The following SECTM1 variants were observed in gnomAD, a reference collection of about 807,000 sequenced individuals.
SECTM1 encodes the protein secreted and transmembrane 1.
Under a neutral mutation model 18.1 loss-of-function variants are expected in SECTM1, and 10 were observed. The observed-to-expected ratio is 0.55, with a 90% CI of 0.34 to 0.94. The LOEUF is 0.94. Ranked by LOEUF, SECTM1 falls within the 40% of genes least tolerant of loss-of-function variation. The pLI is 0.02. For synonymous variants in SECTM1, 137 were observed against 139.2 expected (o/e 0.98, Z 0.11); for missense variants, 297 against 322.6 (o/e 0.92, Z 0.61).
chr17:82,324,856 G>GACTA lies in SECTM1; in HGVS notation c.125_128dup (p.Val45LeufsTer37). On this transcript the variant is annotated frameshift_variant, in exon 3 of 5. Transcript: ENST00000269389. LOFTEE classifies it high-confidence loss of function. ...CGGTGTTCTCGCCCCAAGACACAGAGACTACCCCCTCTGTGCAGATGGGGC... is the reference window on the plus strand; with the variant it reads ...CGGTGTTCTCGCCCCAAGACACAGAGACTAACTACCCCCTCTGTGCAGATGGGGC... The GACTA allele has an allele frequency of 6.2e-7, 1 of 1,613,834 alleles. No individual in the cohort carries two copies. Among genetic ancestry groups the GACTA allele is most frequent in the East Asian group, 2.2e-5 (1 of 44,870 alleles).
In SECTM1 at chr17:82,328,766, G is replaced by C. The variant is rs1042852328; in HGVS notation, c.-52-1474C>G. 6.6e-6 allele frequency among the ~76,000 whole-genome samples: 1 copy of C among 152,188 alleles called. No individual in the cohort carries two copies. The highest frequency in any genetic ancestry group is 2.4e-5 in the African/African-American group (1 of 41,454). ...GGCAGGACACGCCTTTCAGCCGAGA[G>C]AACTCCACCTTCGAAGGCGGCTGGG... On this transcript the variant is annotated intron_variant, in intron 1 of 4. Coordinates refer to ENST00000269389, the MANE Select transcript of SECTM1 (RefSeq NM_003004.3). This position sits in a 1 kb window ranked among gnomAD's most constrained non-coding sequence, Gnocchi z 5.8.
intron 1 of SECTM1, among the ~76,000 whole-genome samples, chr17:82,332,723 C>T (rs1198028730): frequency 6.6e-6 from 1 of 152,226 alleles, no homozygotes; most frequent in Admixed American, 6.5e-5. Flanking sequence ...CAAAGCCCCC[C>T]AGGCCTGGGG....
At position 82,322,293 on chromosome 17, in the gene SECTM1, G is replaced by A; in HGVS notation, c.615C>T (p.Ala205=). ...RAGAQQGLSR[A]SAELWTPDSE... Reference sequence around the variant, plus strand: ...AGTCTGGGGTCCACAGTTCAGCGGAGGCTCTGCTCAGGCCCTGCTGGGCTC... The same window carrying A: ...AGTCTGGGGTCCACAGTTCAGCGGAAGCTCTGCTCAGGCCCTGCTGGGCTC... Residue 205 remains alanine (A), a synonymous_variant, in exon 5 of 5, where the codon GCC becomes GCT. Coordinates refer to ENST00000269389, the MANE Select transcript of SECTM1 (RefSeq NM_003004.3). 1 of 1,612,778 alleles carries A rather than the reference G, an allele frequency of 6.2e-7. No individual in the cohort carries two copies. Among genetic ancestry groups the A allele is most frequent in the South Asian group, 1.1e-5 (1 of 90,966 alleles).
rs2052182587 is a variant in SECTM1 at position 82,330,454 on chromosome 17, G to C, written c.-52-3162C>G. Among the ~76,000 whole-genome samples, 1 of 152,106 alleles carries C rather than the reference G, an allele frequency of 6.6e-6. No homozygotes were observed. Among genetic ancestry groups the C allele is most frequent in the Admixed American group, 6.6e-5 (1 of 15,264 alleles). The stretch of plus-strand genomic sequence containing the variant: ...GCGTCCACCCCACCTGCCCACCCAG[G>C]TGCTGGCTCTGCCACCCGTCTGTGT... On this transcript the variant is annotated intron_variant, in intron 1 of 4. Transcript: ENST00000269389. The surrounding 1 kb of genome is among the most constrained non-coding windows in gnomAD (Gnocchi z 6.1).
In SECTM1 at chr17:82,325,627, C is replaced by T. The variant is rs1286836946; in HGVS notation, c.95-737G>A. On this transcript the variant is annotated intron_variant, in intron 2 of 4. Coordinates refer to ENST00000269389, the MANE Select transcript of SECTM1 (RefSeq NM_003004.3). This position sits in a 1 kb window ranked among gnomAD's most constrained non-coding sequence, Gnocchi z 7.6. ...CTCTCTCTCCCGCCTCCTGGGTGAA[C>T]CCTGCCCCATAGCGACCCGTGCAGC... 2.0e-5 allele frequency among the ~76,000 whole-genome samples: 3 copies of T among 152,244 alleles called. No homozygotes were observed. The highest frequency in any genetic ancestry group is 4.4e-5 in the Non-Finnish European group (3 of 68,042).
rs1422197131 is a variant in SECTM1, at chr17:82,326,109, C to T, written c.94+1038G>A. Among the ~76,000 whole-genome samples the T allele has an allele frequency of 1.3e-5, 2 of 152,204 alleles. No individual in the cohort carries two copies. Among genetic ancestry groups the T allele is most frequent in the South Asian group, 2.1e-4 (1 of 4,826 alleles). ...TTCACACCGTCCCGAGGGCAGCGGG[C>T]GGCTGTCCAGGGGGTGCCCCAGCCC... is the stretch of plus-strand genomic sequence containing the variant. On this transcript the variant is annotated intron_variant, in intron 2 of 4. Transcript: ENST00000269389. The surrounding 1 kb of genome is among the most constrained non-coding windows in gnomAD (Gnocchi z 4.3).
chr17:82,327,958 TGCCCGTCCACC>T (rs1567844820), intron 1 of SECTM1, among the ~76,000 whole-genome samples: 17 of 12,492 alleles, frequency 1.4e-3, no homozygotes, highest in African/African-American at 4.4e-3. Flanking sequence ...CCCCCCACCC[TGCCCGTCCACC>T]GGCCTCCCCA....
rs1316919817 is a variant in SECTM1, at chr17:82,330,491, C to T, written c.-52-3199G>A. Among the ~76,000 whole-genome samples, 5 of 152,110 alleles carry T rather than the reference C, an allele frequency of 3.3e-5. No homozygotes were observed. Among genetic ancestry groups the T allele is most frequent in the Non-Finnish European group, 4.4e-5 (3 of 67,986 alleles). On this transcript the variant is annotated intron_variant, in intron 1 of 4. Transcript: ENST00000269389. This position sits in a 1 kb window ranked among gnomAD's most constrained non-coding sequence, Gnocchi z 6.1. ...CCACCCGTCTGTGTCCTGAGTCAGC[C>T]CTGACTCGGCAGAGAGCTGCACCCT...
Position 82,324,723 on chromosome 17 carries a change from G to T in SECTM1, c.262C>A (p.Arg88=), listed in dbSNP as rs777921693. The T allele has an allele frequency of 4.3e-6, 7 of 1,614,018 alleles. No individual in the cohort carries two copies. Among genetic ancestry groups the T allele is most frequent in the Non-Finnish European group, 5.9e-6 (7 of 1,180,022 alleles). The part of the protein sequence containing the change: ...FNEVAPGYFS[R]DGWQLQVQGG... The stretch of plus-strand genomic sequence containing the variant: ...TGAACCTGGAGCTGCCAGCCGTCCC[G>T]GGAGAAGTAGCCTGGAGCCACCTCA... Residue 88 remains arginine, a synonymous_variant, in exon 3 of 5, where the codon CGG becomes AGG. Transcript: ENST00000269389.
rs773418368 is a variant in SECTM1 at position 82,325,776 on chromosome 17, C to T, written c.95-886G>A. 2.0e-5 allele frequency among the ~76,000 whole-genome samples: 3 copies of T among 152,344 alleles called. No individual in the cohort carries two copies. Among genetic ancestry groups the T allele is most frequent in the Non-Finnish European group, 4.4e-5 (3 of 68,042 alleles). On this transcript the variant is annotated intron_variant, in intron 2 of 4. Transcript: ENST00000269389. The surrounding 1 kb of genome is among the most constrained non-coding windows in gnomAD (Gnocchi z 7.6). Reference sequence around the variant, plus strand: ...CTTGGTGCTGCTACTGTCCCTGCTGCGTCAGCGTCCACCAGTGACTGGACA... The same window carrying T: ...CTTGGTGCTGCTACTGTCCCTGCTGTGTCAGCGTCCACCAGTGACTGGACA...
rs1331090648 is a variant in SECTM1, at chr17:82,325,336, GT to G, written c.95-447del. On this transcript the variant is annotated intron_variant, in intron 2 of 4. Transcript: ENST00000269389. This position sits in a 1 kb window ranked among gnomAD's most constrained non-coding sequence, Gnocchi z 7.6. ...GCCCCACCGCCCCCAGCTCCCTCCTGTTTCTCCAAGGCCTAGGCCAGGTGCA... is the reference window on the plus strand; with the variant it reads ...GCCCCACCGCCCCCAGCTCCCTCCTGTTCTCCAAGGCCTAGGCCAGGTGCA... Among the ~76,000 whole-genome samples the G allele has an allele frequency of 1.3e-5, 2 of 152,210 alleles. No homozygotes were observed. The highest frequency in any genetic ancestry group is 1.3e-4 in the Admixed American group (2 of 15,286).
At chr17:82,323,257 C>A (rs571759879) in intron 3 of SECTM1, 4 of 524,724 alleles carry the variant, frequency 7.6e-6, no homozygotes, top group Non-Finnish European at 1.4e-5. Flanking sequence ...AAACATCTAC[C>A]CCTGGATGTG....
chr17:82,332,279 G>A (rs1324012052), intron 1 of SECTM1, among the ~76,000 whole-genome samples: 1 of 152,248 alleles, frequency 6.6e-6, no homozygotes, highest in Non-Finnish European at 1.5e-5. Context: ...AGTGCTCCCT[G>A]ACAAGCGATG....
In SECTM1 at chr17:82,327,397, C is replaced by T. The variant is rs772878455; in HGVS notation, c.-52-105G>A. 8.1e-5 allele frequency: 53 copies of T among 655,800 alleles called. 1 individual carries two copies. The highest frequency in any genetic ancestry group is 1.3e-4 in the Non-Finnish European group (49 of 370,906). 40.6% of individuals were successfully genotyped at this position (655,800 alleles called of 1,614,324 possible). A position where few individuals can be genotyped will look rare whatever the true frequency, so the allele number is the denominator to read the frequency against. On this transcript the variant is annotated intron_variant, in intron 1 of 4. Coordinates refer to ENST00000269389, the MANE Select transcript of SECTM1 (RefSeq NM_003004.3). ...GGCTGGGAGGCTGGGGGTCCCCGAGCTCTTCCCCGACCTGCTCTGGATGCT... is the reference window on the plus strand; with the variant it reads ...GGCTGGGAGGCTGGGGGTCCCCGAGTTCTTCCCCGACCTGCTCTGGATGCT...
At chr17:82,327,962 C>T (rs1460456862) in intron 1 of SECTM1, among the ~76,000 whole-genome samples, 5 of 141,750 alleles carry the variant, frequency 3.5e-5, no homozygotes, top group Admixed American at 7.0e-5. Context: ...CCACCCTGCC[C>T]GTCCACCGGC....
chr17:82,327,693 C>G (rs2052158538), intron 1 of SECTM1, among the ~76,000 whole-genome samples: 2 of 152,284 alleles, frequency 1.3e-5, no homozygotes, highest in South Asian at 2.1e-4. Context: ...CCAGCCCCAG[C>G]CCCTCACCAA....
At chr17:82,324,523 T>TCCCCCC in intron 3 of SECTM1, 59 bp downstream of exon 3, 3 of 84,576 alleles carry the variant, frequency 3.5e-5, no homozygotes, top group South Asian at 6.1e-5. Flanking sequence ...CCAGGCCCCC[T>TCCCCCC]CCCCTCCCCG....
At position 82,330,748 on chromosome 17, in the gene SECTM1, G is replaced by A. The variant is rs1427917782; in HGVS notation, c.-53+2952C>T. Among the ~76,000 whole-genome samples, 2 of 152,124 alleles carry A rather than the reference G, an allele frequency of 1.3e-5. No homozygotes were observed. The highest frequency in any genetic ancestry group is 2.9e-5 in the Non-Finnish European group (2 of 68,012). On this transcript the variant is annotated intron_variant, in intron 1 of 4. Coordinates refer to ENST00000269389, the MANE Select transcript of SECTM1 (RefSeq NM_003004.3). This position sits in a 1 kb window ranked among gnomAD's most constrained non-coding sequence, Gnocchi z 6.1. ...TCTGCCACCGAGGGTGGACCCTGCAGTGCTGGCTCCTAGCCTCCCTGCCGA... is the reference window on the plus strand; with the variant it reads ...TCTGCCACCGAGGGTGGACCCTGCAATGCTGGCTCCTAGCCTCCCTGCCGA...
chr17:82,331,116 G>T (rs909669856), intron 1 of SECTM1, among the ~76,000 whole-genome samples: 1 of 152,218 alleles, frequency 6.6e-6, no homozygotes, highest in Non-Finnish European at 1.5e-5. Context: ...GGGCTGGAGG[G>T]TACTAGGAGC....
Sources: allele counts gnomAD v4.1 joint callset (sites outside exome capture counted in the v4.1 genomes callset), GRCh38; gene constraint gnomAD v4.1.1; non-coding constraint Gnocchi (gnomAD v3.1); transcripts MANE v1.5; gene names NCBI Gene and HGNC (gene_info 2026-07-23, HGNC 2026-07-21).